Variants in CUL5 observed in about 807,000 individuals in gnomAD.
The protein encoded by CUL5 is cullin-5.
In CUL5, 26 loss-of-function variants were observed where a neutral mutation model predicts 108.8. The observed-to-expected ratio is 0.24, with a 90% CI of 0.18 to 0.33. The LOEUF (loss-of-function observed/expected upper bound fraction) is 0.33. CUL5 is among the 10% of genes least tolerant of loss of function. CUL5 has a pLI of 1.00. For synonymous variants in CUL5, 334 were observed against 298.0 expected (o/e 1.12, Z -1.25); for missense variants, 524 against 909.2 (o/e 0.58, Z 5.45).
Position 108,106,480 on chromosome 11 carries a change from A to G in CUL5, c.*2096A>G, listed in dbSNP as rs1439440049. On this transcript the variant is annotated 3_prime_UTR_variant, in exon 19 of 19. Transcript: ENST00000393094. The stretch of plus-strand genomic sequence containing the variant: ...TTTTATAAATTTTTAATAGCCAATT[A>G]TGTCCTAATTGTATTTTGGGGAATG... 4.0e-5 allele frequency: 6 copies of G among 150,984 alleles called. No individual in the cohort carries two copies. The highest frequency in any genetic ancestry group is 8.9e-5 in the Non-Finnish European group (6 of 67,764). 9.4% of individuals were successfully genotyped at this position (150,984 alleles called of 1,614,324 possible). A position where few individuals can be genotyped will look rare whatever the true frequency, so the allele number is the denominator to read the frequency against.
intron 1 of CUL5, among the ~76,000 whole-genome samples, chr11:108,023,047 G>A (rs997897908): frequency 3.9e-5 from 6 of 152,126 alleles, no homozygotes; most frequent in Non-Finnish European, 8.8e-5. Flanking sequence ...TCAGGAGTTC[G>A]AGACCAGCCT....
Position 108,033,902 on chromosome 11 carries a change from A to G in CUL5, c.125A>G (p.Asp42Gly). The change falls in exon 2 of 19, where the codon GAT becomes GGT. Residue 42 changes from aspartate (D) to glycine (G), a missense_variant. Physicochemically the swap from Asp to Gly is moderately conservative, Grantham distance 94. This residue lies in a region of CUL5 where 76 missense variants were observed against 90.8 expected (regional missense o/e 0.84). Transcript: ENST00000393094. ...TCTGTTACAAAACAGCAGTGGTTTGATCTGTTTTCGTAAGTACCCCACTAA... is the reference window on the plus strand; with the variant it reads ...TCTGTTACAAAACAGCAGTGGTTTGGTCTGTTTTCGTAAGTACCCCACTAA... Reference protein sequence around the residue: ...QESVTKQQWFDLFSDVHAVCL... With the variant: ...QESVTKQQWFGLFSDVHAVCL... The G allele has an allele frequency of 6.2e-7, 1 of 1,606,788 alleles. No individual in the cohort carries two copies. Among genetic ancestry groups the G allele is most frequent in the Non-Finnish European group, 8.5e-7 (1 of 1,175,314 alleles).
chr11:108,014,972 C>T (rs1461300619), intron 1 of CUL5, among the ~76,000 whole-genome samples: 1 of 152,168 alleles, frequency 6.6e-6, no homozygotes, highest in South Asian at 2.1e-4. Context: ...GATCTTGGCT[C>T]ACTGCAACCT....
chr11:108,019,846 A>G (rs981041999), intron 1 of CUL5, among the ~76,000 whole-genome samples: 2 of 152,178 alleles, frequency 1.3e-5, no homozygotes, highest in African/African-American at 4.8e-5. Flanking sequence ...TATTTGGCCC[A>G]CAGTTCTGTA....
chr11:108,086,187 G>A (rs1009506737), intron 11 of CUL5, among the ~76,000 whole-genome samples: 28 of 152,064 alleles, frequency 1.8e-4, no homozygotes, highest in Admixed American at 1.8e-3. Context: ...AATCCCAAGT[G>A]GGATAAATAC....
intron 1 of CUL5, among the ~76,000 whole-genome samples, chr11:108,014,502 A>G (rs980452866): frequency 6.6e-6 from 1 of 152,162 alleles, no homozygotes; most frequent in Non-Finnish European, 1.5e-5. Flanking sequence ...GGGCAGAGAT[A>G]CTCTCAAGCC....
chr11:108,011,691 G>C (rs971063837), intron 1 of CUL5, among the ~76,000 whole-genome samples: 8 of 151,804 alleles, frequency 5.3e-5, no homozygotes, highest in African/African-American at 1.9e-4. Context: ...TCAGTGGTGC[G>C]ATCTTGGTTC....
intron 4 of CUL5, among the ~76,000 whole-genome samples, chr11:108,051,175 G>T (rs1168824911): frequency 1.3e-5 from 2 of 151,956 alleles, no homozygotes; most frequent in Non-Finnish European, 2.9e-5. Flanking sequence ...TTCAGTGATA[G>T]AAATCACTGC....
At chr11:108,090,644 G>T (rs980309275) in intron 13 of CUL5, among the ~76,000 whole-genome samples, 7 of 152,040 alleles carry the variant, frequency 4.6e-5, no homozygotes, top group Admixed American at 2.0e-4. Context: ...GGCCTATTTA[G>T]GGTAATCAAT....
chr11:108,074,098 C>A (rs988759353), intron 10 of CUL5: 2 of 151,816 alleles, frequency 1.3e-5, no homozygotes, highest in African/African-American at 4.8e-5. Context: ...CTTTGACTAC[C>A]TTTCGTTACT....
chr11:108,022,284 T>A (rs1346256662), intron 1 of CUL5, among the ~76,000 whole-genome samples: 2 of 152,174 alleles, frequency 1.3e-5, no homozygotes, highest in African/African-American at 4.8e-5. Context: ...TGTTGTAAAG[T>A]AAGTGAATTA....
chr11:108,063,662 AAAT>A (rs1863604848), intron 7 of CUL5, among the ~76,000 whole-genome samples: 1 of 508 alleles, frequency 2.0e-3, no homozygotes, highest in African/African-American at 2.2e-3. Flanking sequence ...AATTTAAAAA[AAAT>A]AAATAAATAG....
At chr11:108,021,376 C>T (rs530272073) in intron 1 of CUL5, among the ~76,000 whole-genome samples, 1 of 152,310 alleles carries the variant, frequency 6.6e-6, no homozygotes, top group African/African-American at 2.4e-5. Context: ...CTTGCTCTTC[C>T]TTCAGCTTGT....
chr11:108,053,271 C>G (rs969784809), intron 5 of CUL5, among the ~76,000 whole-genome samples: 1 of 152,174 alleles, frequency 6.6e-6, no homozygotes, highest in African/African-American at 2.4e-5. Flanking sequence ...AAGTTAACTT[C>G]TCTCATTTAG....
chr11:108,090,760 C>CAT (rs955943841), intron 13 of CUL5, among the ~76,000 whole-genome samples: 1 of 151,920 alleles, frequency 6.6e-6, no homozygotes, highest in African/African-American at 2.4e-5. Flanking sequence ...ACTCTCTCCA[C>CAT]ATATATATGG....
At chr11:108,070,282 C>T (rs1162596216) in intron 8 of CUL5, 93 bp downstream of exon 8, 1 of 863,040 alleles carries the variant, frequency 1.2e-6, no homozygotes, top group Non-Finnish European at 1.9e-6. Context: ...TAATTCTTTT[C>T]CACATAGGTA....
chr11:108,031,934 T>G (rs920984559), intron 1 of CUL5, among the ~76,000 whole-genome samples: 1 of 152,040 alleles, frequency 6.6e-6, no homozygotes, highest in Non-Finnish European at 1.5e-5. Flanking sequence ...AAACCAAATA[T>G]TGCATGTTCT....
chr11:108,069,149 C>G (rs1229227376), intron 7 of CUL5, among the ~76,000 whole-genome samples: 1 of 152,070 alleles, frequency 6.6e-6, no homozygotes, highest in Non-Finnish European at 1.5e-5. Context: ...CCTAGCTACT[C>G]AAGAGGCTGA....
intron 16 of CUL5, among the ~76,000 whole-genome samples, chr11:108,096,121 A>G (rs1864486043): frequency 6.6e-6 from 1 of 151,156 alleles, no homozygotes; most frequent in Non-Finnish European, 1.5e-5. Context: ...TTATGCACAC[A>G]CACACACACA....
Sources: gnomAD v4.1 joint callset for allele counts (sites outside exome capture counted in the v4.1 genomes callset) on GRCh38, gnomAD v4.1.1 for gene constraint, gnomAD v4.1.1 regional missense constraint, MANE v1.5 for transcripts, NCBI Gene and HGNC (gene_info 2026-07-23, HGNC 2026-07-21) for gene names.